ESR1: variants seen among roughly 807,000 people sequenced by gnomAD.
ESR1 encodes the protein estrogen receptor.
ESR1 carries 12 observed loss-of-function variants against 52.7 expected under a neutral mutation model. That is an observed-to-expected ratio of 0.23 (90% CI 0.15 to 0.37). The LOEUF is 0.37. Among genes scored for constraint, ESR1 ranks in the 10% least tolerant of loss-of-function variants. ESR1 has a pLI of 1.00. For missense variants in ESR1, 584 were observed against 779.7 expected (o/e 0.75, Z 2.99); for synonymous variants, 305 against 316.8 (o/e 0.96, Z 0.39).
intron 4 of ESR1, among the ~76,000 whole-genome samples, chr6:151,997,679 G>T (rs962522226): frequency 1.3e-5 from 2 of 152,158 alleles, no homozygotes; most frequent in African/African-American, 2.4e-5. Context: ...TTCCACTTTC[G>T]CCTCTTTCTT....
rs1025020213 is a variant in ESR1, at chr6:152,119,288, C to T, written c.851-5978C>T. Among the ~76,000 whole-genome samples the T allele has an allele frequency of 1.4e-4, 22 of 152,152 alleles. 1 individual carries two copies. Among genetic ancestry groups the T allele is most frequent in the African/African-American group, 5.3e-4 (22 of 41,438 alleles). ...GGCATGTTGAATTTCCCATCTGGGC[C>T]TTCAGAAGTCTTCTCTTCTCACTTC... On this transcript the variant is annotated intron_variant, in intron 6 of 6. Coordinates refer to the ESR1 transcript ENST00000427531.
intron 2 of ESR1, among the ~76,000 whole-genome samples, chr6:151,790,736 TC>T (rs1333544318): frequency 2.0e-5 from 3 of 152,296 alleles, no homozygotes; most frequent in African/African-American, 7.2e-5. Flanking sequence ...ATGAACATGT[TC>T]CAGCTTTTTT....
intron 2 of ESR1, among the ~76,000 whole-genome samples, chr6:151,775,468 C>G (rs551005317): frequency 6.5e-4 from 99 of 152,070 alleles, no homozygotes; most frequent in Non-Finnish European, 1.2e-3. Flanking sequence ...ACAGTCCTGG[C>G]CAGGCGCGGT....
At chr6:151,817,067 G>A (rs1021494620) in intron 1 of ESR1, among the ~76,000 whole-genome samples, 3 of 152,096 alleles carry the variant, frequency 2.0e-5, no homozygotes, top group Admixed American at 1.3e-4. Context: ...TCTGTAATTT[G>A]GAAAAATGGG....
intron 4 of ESR1, among the ~76,000 whole-genome samples, chr6:151,986,328 C>T (rs1187428306): frequency 3.9e-5 from 6 of 151,992 alleles, no homozygotes; most frequent in African/African-American, 7.3e-5. Flanking sequence ...TAGATAAAGG[C>T]ATTGTTGCTT....
chr6:151,758,737 A>T (rs1430665277), intron 2 of ESR1, among the ~76,000 whole-genome samples: 1 of 150,232 alleles, frequency 6.7e-6, no homozygotes, highest in African/African-American at 2.5e-5. Flanking sequence ...AGCCTGGGCA[A>T]CAGAGTGAGA....
At chr6:151,762,869 C>T (rs1404880500) in intron 2 of ESR1, among the ~76,000 whole-genome samples, 1 of 151,902 alleles carries the variant, frequency 6.6e-6, no homozygotes, top group African/African-American at 2.4e-5. Flanking sequence ...GAGGCTGAGG[C>T]AGGAAAATCG....
At chr6:152,062,093 A>G (rs1466261276) in intron 6 of ESR1, among the ~76,000 whole-genome samples, 1 of 152,152 alleles carries the variant, frequency 6.6e-6, no homozygotes, top group African/African-American at 2.4e-5. Flanking sequence ...AAATTCCTCA[A>G]TAGCTGAATT....
At chr6:151,991,433 C>G (rs1465090296) in intron 4 of ESR1, among the ~76,000 whole-genome samples, 3 of 150,496 alleles carry the variant, frequency 2.0e-5, no homozygotes, top group African/African-American at 7.4e-5. Flanking sequence ...CTGCTAAGTG[C>G]TACAAGGAAA....
chr6:151,743,151 G>A (rs958670587), intron 2 of ESR1, among the ~76,000 whole-genome samples: 2 of 151,718 alleles, frequency 1.3e-5, no homozygotes, highest in Non-Finnish European at 3.0e-5. Context: ...CGCAGGCCAG[G>A]CAGTAAATGA....
At chr6:151,912,729 A>G (rs1004950645) in intron 3 of ESR1, among the ~76,000 whole-genome samples, 1 of 152,204 alleles carries the variant, frequency 6.6e-6, no homozygotes, top group African/African-American at 2.4e-5. Flanking sequence ...TAAAAAGTGA[A>G]AAGACAGCCA....
upstream of ESR1, among the ~76,000 whole-genome samples, chr6:151,686,654 C>G (rs192597082): frequency 2.1e-3 from 320 of 152,154 alleles, 1 homozygote; most frequent in African/African-American, 7.2e-3. Flanking sequence ...CGCCACTGCA[C>G]TCCAGCCTGG....
At chr6:151,684,275 G>C (rs779258237) in intron 1 of ESR1, among the ~76,000 whole-genome samples, 27 of 152,124 alleles carry the variant, frequency 1.8e-4, no homozygotes, top group Non-Finnish European at 2.5e-4. Flanking sequence ...AGAAGGGGCT[G>C]AAATCCAAGC....
At chr6:151,939,417 G>A (rs932811744) in intron 3 of ESR1, among the ~76,000 whole-genome samples, 2 of 152,142 alleles carry the variant, frequency 1.3e-5, no homozygotes, top group African/African-American at 4.8e-5. Context: ...TTGGTAGAAA[G>A]CAAGGAATGA....
At chr6:151,921,019 C>T (rs1183438061) in intron 3 of ESR1, among the ~76,000 whole-genome samples, 4 of 151,908 alleles carry the variant, frequency 2.6e-5, no homozygotes, top group South Asian at 2.1e-4. Context: ...TTGCTGCACC[C>T]GTCAGCTCAT....
chr6:151,712,697 G>A (rs1247846041), intron 2 of ESR1, among the ~76,000 whole-genome samples: 1 of 152,160 alleles, frequency 6.6e-6, no homozygotes, highest in African/African-American at 2.4e-5. Flanking sequence ...TGTATCCTGA[G>A]ACTTTGCTGA....
At chr6:151,871,207 T>C (rs1790894336) in intron 2 of ESR1, among the ~76,000 whole-genome samples, 1 of 151,768 alleles carries the variant, frequency 6.6e-6, no homozygotes, top group Non-Finnish European at 1.5e-5. Context: ...CAGAAACCAC[T>C]TGTACCCCAA....
chr6:151,850,558 G>C (rs529185690), intron 2 of ESR1, among the ~76,000 whole-genome samples: 1 of 151,886 alleles, frequency 6.6e-6, no homozygotes, highest in Non-Finnish European at 1.5e-5. Flanking sequence ...TAATATTTGG[G>C]GCCTAAAGTG....
intron 1 of ESR1, among the ~76,000 whole-genome samples, chr6:151,815,306 A>C (rs1395560069): frequency 6.6e-6 from 1 of 152,214 alleles, no homozygotes; most frequent in African/African-American, 2.4e-5. Flanking sequence ...TTCTTTAGTT[A>C]CAGGGAAAAA....
Sources: allele counts gnomAD v4.1 joint callset (sites outside exome capture counted in the v4.1 genomes callset), GRCh38; gene constraint gnomAD v4.1.1; transcripts MANE v1.5; gene names NCBI Gene and HGNC (gene_info 2026-07-23, HGNC 2026-07-21).